Variants in LRRC7 observed in about 807,000 individuals in gnomAD.
LRRC7 encodes the protein leucine-rich repeat-containing protein 7.
In LRRC7, 23 loss-of-function variants were observed where a neutral mutation model predicts 175.7. The ratio of observed to expected loss-of-function variants is 0.13; its 90% CI spans 0.09 to 0.19. LRRC7 has a LOEUF of 0.19. LRRC7 is among the 10% of genes least tolerant of loss of function. The pLI is 1.00. For synonymous variants in LRRC7, 685 were observed against 680.9 expected (o/e 1.01, Z -0.09); for missense variants, 1,354 against 1,904.7 (o/e 0.71, Z 5.38).
At chr1:69,834,439 T>C (rs1450375350) in intron 5 of LRRC7, among the ~76,000 whole-genome samples, 2 of 152,126 alleles carry the variant, frequency 1.3e-5, no homozygotes, top group African/African-American at 4.8e-5. Flanking sequence ...GTTTTAAAAT[T>C]ACAAACAAGC....
chr1:69,689,665 A>G (rs1330513093), intron 2 of LRRC7, among the ~76,000 whole-genome samples: 1 of 152,134 alleles, frequency 6.6e-6, no homozygotes, highest in Admixed American at 6.6e-5. Context: ...AAGTTTTACA[A>G]CAAAGCTGAA....
intron 7 of LRRC7, among the ~76,000 whole-genome samples, chr1:69,853,674 A>G (rs1276378695): frequency 1.3e-5 from 2 of 152,156 alleles, no homozygotes; most frequent in Non-Finnish European, 2.9e-5. Flanking sequence ...AAAGAGTCTA[A>G]TGCAAGATGA....
chr1:69,726,283 G>A (rs1017102521), intron 2 of LRRC7, among the ~76,000 whole-genome samples: 1 of 152,140 alleles, frequency 6.6e-6, no homozygotes, highest in African/African-American at 2.4e-5. Context: ...GTATTGCCAG[G>A]AGGAAAGAGT....
intron 1 of LRRC7, among the ~76,000 whole-genome samples, chr1:69,611,244 C>T (rs1429134430): frequency 6.6e-6 from 1 of 151,538 alleles, no homozygotes; most frequent in African/African-American, 2.4e-5. Context: ...AATATTAAAC[C>T]TTTGTTTTCC....
Position 70,135,438 on chromosome 1 carries a change from A to G in LRRC7, c.*13551A>G, listed in dbSNP as rs1006549034. Among the ~76,000 whole-genome samples the G allele has an allele frequency of 7.9e-5, 12 of 152,162 alleles. No individual in the cohort carries two copies. The highest frequency in any genetic ancestry group is 2.7e-4 in the African/African-American group (11 of 41,438). On this transcript the variant is annotated 3_prime_UTR_variant, in exon 27 of 27. Transcript: ENST00000651989. ...CTCTGCTTTTAGGTACAACAAATGG[A>G]AATATCATCTAGGCTGGGTTGGGGT... is the stretch of plus-strand genomic sequence containing the variant.
intron 1 of LRRC7, 130 bp downstream of exon 1, chr1:69,568,771 G>C (rs1015535152): frequency 3.5e-6 from 2 of 571,206 alleles, no homozygotes; most frequent in South Asian, 3.0e-5. Context: ...AGGCTTCGGC[G>C]CTCGCGGGGA....
chr1:69,906,015 C>T lies in LRRC7; in HGVS notation c.648-25492C>T, dbSNP rs530979191. 8.1e-3 allele frequency among the ~76,000 whole-genome samples: 1,235 copies of T among 152,252 alleles called. 14 individuals carry two copies. The highest frequency in any genetic ancestry group is 0.027 in the African/African-American group (1,128 of 41,554). On this transcript the variant is annotated intron_variant, in intron 7 of 26. Transcript: ENST00000651989. Reference sequence around the variant, plus strand: ...GCATTTCTCTGATGGCCAGTGATGGCGAGCATTTGTTCATGTGTTTTTTGG... The same window carrying T: ...GCATTTCTCTGATGGCCAGTGATGGTGAGCATTTGTTCATGTGTTTTTTGG...
intron 11 of LRRC7, among the ~76,000 whole-genome samples, chr1:70,010,407 A>T (rs185555794): frequency 1.3e-5 from 2 of 152,238 alleles, no homozygotes; most frequent in Admixed American, 1.3e-4. Flanking sequence ...CTCTACTAAA[A>T]ATACAAAAAT....
chr1:70,121,770 G>T lies in LRRC7; in HGVS notation c.4621-10G>T. ...ACATTGATTGCCCTGTTTTATTTGT[G>T]TATTTACAGGCAAATGGACACAGTT... On this transcript the variant is annotated splice_polypyrimidine_tract_variant and intron_variant, in intron 26 of 26. Coordinates refer to ENST00000651989, the MANE Select transcript of LRRC7 (RefSeq NM_001370785.2). 1 of 1,552,624 alleles carries T rather than the reference G, an allele frequency of 6.4e-7. No homozygotes were observed. Among genetic ancestry groups the T allele is most frequent in the Non-Finnish European group, 8.9e-7 (1 of 1,128,146 alleles).
intron 4 of LRRC7, among the ~76,000 whole-genome samples, chr1:69,820,402 G>A (rs532718285): frequency 1.3e-5 from 2 of 152,004 alleles, no homozygotes; most frequent in Non-Finnish European, 1.5e-5. Flanking sequence ...AAGTTCTGGG[G>A]TATATGTACA....
At chr1:69,623,536 AG>A (rs1415996452) in intron 1 of LRRC7, among the ~76,000 whole-genome samples, 1 of 146,380 alleles carries the variant, frequency 6.8e-6, no homozygotes, top group Non-Finnish European at 1.5e-5. Context: ...AAGGCAACTT[AG>A]AAAAAGACAT....
intron 2 of LRRC7, among the ~76,000 whole-genome samples, chr1:69,704,518 T>A (rs1438756685): frequency 6.6e-6 from 1 of 152,028 alleles, no homozygotes; most frequent in Non-Finnish European, 1.5e-5. Flanking sequence ...GTATATAGAC[T>A]ATTTATGGCT....
chr1:69,766,835 C>T (rs980061516), intron 3 of LRRC7, among the ~76,000 whole-genome samples: 2 of 152,100 alleles, frequency 1.3e-5, no homozygotes, highest in Admixed American at 6.6e-5. Flanking sequence ...AAATGGCAGG[C>T]TTCTACAAGA....
At chr1:70,034,868 C>T (rs1659141549) in intron 18 of LRRC7, among the ~76,000 whole-genome samples, 1 of 152,048 alleles carries the variant, frequency 6.6e-6, no homozygotes, top group South Asian at 2.1e-4. Flanking sequence ...CAAACCTAAC[C>T]CAAAAGAATC....
intron 1 of LRRC7, among the ~76,000 whole-genome samples, chr1:69,638,457 G>C (rs1329420378): frequency 6.6e-6 from 1 of 151,658 alleles, no homozygotes; most frequent in Non-Finnish European, 1.5e-5. Context: ...CATTTTTAAT[G>C]AGACAGAACA....
chr1:69,937,852 C>T (rs551884108), intron 8 of LRRC7, among the ~76,000 whole-genome samples: 1 of 151,872 alleles, frequency 6.6e-6, no homozygotes, highest in Admixed American at 6.6e-5. Flanking sequence ...CTTTCATATC[C>T]TTAAAGAGAG....
In LRRC7 at chr1:69,611,810, A is replaced by G. The variant is rs188301744; in HGVS notation, c.2+43169A>G. Reference sequence around the variant, plus strand: ...CAACAATGTGGCACTAAAGATCTCAAAAAGGACATTTGTTTATAACATGAT... The same window carrying G: ...CAACAATGTGGCACTAAAGATCTCAGAAAGGACATTTGTTTATAACATGAT... On this transcript the variant is annotated intron_variant, in intron 1 of 26. Transcript: ENST00000651989. Among the ~76,000 whole-genome samples the G allele has an allele frequency of 1.8e-3, 271 of 152,202 alleles. 1 individual carries two copies. The highest frequency in any genetic ancestry group is 6.2e-3 in the African/African-American group (257 of 41,552).
chr1:69,699,992 C>A (rs1884581), intron 2 of LRRC7, among the ~76,000 whole-genome samples: 10,703 of 152,208 alleles, frequency 0.07, 469 homozygotes, highest in East Asian at 0.14. Flanking sequence ...ATTGACTTCA[C>A]CCCTGGGTGG....
Position 70,130,397 on chromosome 1 carries a change from T to G in LRRC7, c.*8510T>G, listed in dbSNP as rs1461976620. The G allele has an allele frequency of 6.6e-6, 1 of 152,202 alleles. No individual in the cohort carries two copies. The highest frequency in any genetic ancestry group is 1.5e-5 in the Non-Finnish European group (1 of 68,020). 9.4% of individuals were successfully genotyped at this position (152,202 alleles called of 1,614,324 possible). On this transcript the variant is annotated 3_prime_UTR_variant, in exon 27 of 27. Transcript: ENST00000651989. ...GGCACATAGTGCACTTTATAAATAT[T>G]GAACTAAACAGCAAATTGATCTTCA... is the stretch of plus-strand genomic sequence containing the variant.
Sources: allele counts gnomAD v4.1 joint callset (sites outside exome capture counted in the v4.1 genomes callset), GRCh38; gene constraint gnomAD v4.1.1; transcripts MANE v1.5; gene names NCBI Gene and HGNC (gene_info 2026-07-23, HGNC 2026-07-21).